LRRTM3: variants seen among roughly 807,000 people sequenced by gnomAD.
The protein encoded by LRRTM3 is leucine rich repeat transmembrane neuronal 3, also known as leucine-rich repeat transmembrane neuronal protein 3.
LRRTM3 carries 24 observed loss-of-function variants against 44.7 expected under a neutral mutation model. The observed-to-expected ratio is 0.54, with a 90% CI of 0.39 to 0.76. The LOEUF (loss-of-function observed/expected upper bound fraction) is 0.76, where lower values mean the gene tolerates loss of function less well. Ranked by LOEUF, LRRTM3 falls within the 30% of genes least tolerant of loss-of-function variation. LRRTM3 has a pLI of 0.00. For synonymous variants in LRRTM3, 277 were observed against 278.7 expected (o/e 0.99, Z 0.06); for missense variants, 587 against 702.2 (o/e 0.84, Z 1.85).
chr10:67,026,814 CAT>C (rs1039203512), intron 2 of LRRTM3, among the ~76,000 whole-genome samples: 18 of 152,292 alleles, frequency 1.2e-4, no homozygotes, highest in African/African-American at 4.1e-4. Context: ...AAACTCTTCT[CAT>C]GTGTTAATTA....
At chr10:66,963,384 A>T (rs966431142) in intron 2 of LRRTM3, among the ~76,000 whole-genome samples, 45 of 152,328 alleles carry the variant, frequency 3.0e-4, no homozygotes, top group African/African-American at 1.1e-3. Flanking sequence ...TGATTATATG[A>T]TTAATGCATC....
At chr10:66,967,799 CA>C (rs938687323) in intron 2 of LRRTM3, among the ~76,000 whole-genome samples, 1 of 151,840 alleles carries the variant, frequency 6.6e-6, no homozygotes, top group African/African-American at 2.4e-5. Context: ...TATATTTCAC[CA>C]AATCCTGTTA....
At chr10:66,980,082 T>A (rs1306704161) in intron 2 of LRRTM3, among the ~76,000 whole-genome samples, 1 of 152,178 alleles carries the variant, frequency 6.6e-6, no homozygotes, top group Non-Finnish European at 1.5e-5. Flanking sequence ...TAATAACTTG[T>A]AAAGCACCAA....
intron 2 of LRRTM3, among the ~76,000 whole-genome samples, chr10:67,019,123 T>C (rs1852833697): frequency 6.6e-6 from 1 of 152,248 alleles, no homozygotes; most frequent in Admixed American, 6.5e-5. Context: ...GGTAGGATGA[T>C]AAGGTTTTTA....
intron 2 of LRRTM3, among the ~76,000 whole-genome samples, chr10:66,979,914 CTGCTT>C (rs1402632592): frequency 6.6e-6 from 1 of 152,126 alleles, no homozygotes. Flanking sequence ...TTGTTGTGTT[CTGCTT>C]TGCTTTACTT....
chr10:67,028,800 A>C (rs1853546317), intron 2 of LRRTM3, among the ~76,000 whole-genome samples: 1 of 152,210 alleles, frequency 6.6e-6, no homozygotes, highest in Admixed American at 6.5e-5. Flanking sequence ...TTTCCTCCCA[A>C]GCATTCTACA....
At chr10:66,994,116 T>C (rs1178138743) in intron 2 of LRRTM3, among the ~76,000 whole-genome samples, 1 of 152,152 alleles carries the variant, frequency 6.6e-6, no homozygotes, top group Non-Finnish European at 1.5e-5. Context: ...ATAAGTAGCA[T>C]TCATGTAGTA....
Position 66,927,442 on chromosome 10 carries a change from A to G in LRRTM3, c.526A>G (p.Ile176Val), listed in dbSNP as rs1270728140. ...SNSLRTIPVR[I>V]FQDCRNLELL... ...CTCCCTGAGAACCATCCCTGTGCGA[A>G]TATTCCAAGACTGCCGCAACCTGGA... The change falls in exon 2 of 3, where the codon ATA becomes GTA. Residue 176 changes from isoleucine (I) to valine (V), a missense_variant. Around this residue, in one of 3 missense-constraint regions of LRRTM3, gnomAD observed 222 missense variants for 323.3 expected, o/e 0.69. Coordinates refer to ENST00000361320, the MANE Select transcript of LRRTM3 (RefSeq NM_178011.5). This position sits in a 1 kb window ranked among gnomAD's most constrained non-coding sequence, Gnocchi z 4.7. 6.2e-7 allele frequency: 1 copy of G among 1,614,154 alleles called. No individual in the cohort carries two copies. The highest frequency in any genetic ancestry group is 1.7e-5 in the Admixed American group (1 of 60,030).
At chr10:67,031,008 A>AAAAT (rs1188848880) in intron 2 of LRRTM3, among the ~76,000 whole-genome samples, 3 of 152,128 alleles carry the variant, frequency 2.0e-5, no homozygotes, top group East Asian at 1.9e-4. Context: ...CCGTCTCAAA[A>AAAAT]AAATAAATAA....
In LRRTM3 at chr10:66,927,236, G is replaced by A; in HGVS notation, c.320G>A (p.Gly107Glu). Residue 107 changes from glycine (G) to glutamate (E), a missense_variant, in exon 2 of 3, where the codon GGA becomes GAA. Gly to Glu is a moderately conservative substitution (Grantham distance 98). This residue lies in a region of LRRTM3 where 222 missense variants were observed against 323.3 expected (regional missense o/e 0.69). Transcript: ENST00000361320. The surrounding 1 kb of genome is among the most constrained non-coding windows in gnomAD (Gnocchi z 4.7). ...ISNIDENAFN[G>E]IRRLKELILS... ...AATATTGACGAAAATGCTTTTAATG[G>A]AATACGCAGACTCAAAGAGCTGATT... The A allele has an allele frequency of 6.2e-7, 1 of 1,614,032 alleles. No individual in the cohort carries two copies. Among genetic ancestry groups the A allele is most frequent in the Non-Finnish European group, 8.5e-7 (1 of 1,180,038 alleles).
chr10:67,047,032 G>T (rs911920454), intron 2 of LRRTM3, among the ~76,000 whole-genome samples: 2 of 152,130 alleles, frequency 1.3e-5, no homozygotes, highest in South Asian at 4.1e-4. Flanking sequence ...TATATTCAGG[G>T]TCCAGGAGCA....
chr10:67,031,027 A>G (rs556428811), intron 2 of LRRTM3, among the ~76,000 whole-genome samples: 1 of 152,232 alleles, frequency 6.6e-6, no homozygotes, highest in Non-Finnish European at 1.5e-5. Flanking sequence ...AAATAAATAA[A>G]TAACTTAGCT....
Position 67,063,691 on chromosome 10 carries a change from C to G in LRRTM3, c.1537-33896C>G, listed in dbSNP as rs147941854. Among the ~76,000 whole-genome samples the G allele has an allele frequency of 1.1e-4, 16 of 152,310 alleles. No individual in the cohort carries two copies. In the East Asian group the frequency reaches 3.1e-3, roughly 29 times the overall value. ...CTTAGACACCTAATACGTATGAAGT[C>G]ACACAGATAATTGGCATGAGCCAAA... On this transcript the variant is annotated intron_variant, in intron 2 of 2. Coordinates refer to ENST00000361320, the MANE Select transcript of LRRTM3 (RefSeq NM_178011.5).
rs1299158458 is a variant in LRRTM3, at chr10:67,100,170, T to C, written c.*2374T>C. ...GGTTCCAAGGAGTCTTACAAGTGTA[T>C]GCCCTTGATTTCCTGAAGGAAACCA... On this transcript the variant is annotated 3_prime_UTR_variant, in exon 3 of 3. Coordinates refer to ENST00000361320, the MANE Select transcript of LRRTM3 (RefSeq NM_178011.5). Among the ~76,000 whole-genome samples the C allele has an allele frequency of 6.6e-6, 1 of 151,744 alleles. No homozygotes were observed. The highest frequency in any genetic ancestry group is 1.5e-5 in the Non-Finnish European group (1 of 67,786).
At chr10:67,025,160 GGAAGGAAGGAAGGAAA>G (rs1304421701) in intron 2 of LRRTM3, among the ~76,000 whole-genome samples, 1 of 147,638 alleles carries the variant, frequency 6.8e-6, no homozygotes, top group East Asian at 2.0e-4. Flanking sequence ...AAGAAAGGAA[GGAAGGAAGGAAGGAAA>G]GAAAGAAAAG....
At chr10:66,942,569 TC>T (rs1848055579) in intron 2 of LRRTM3, among the ~76,000 whole-genome samples, 1 of 151,828 alleles carries the variant, frequency 6.6e-6, no homozygotes, top group Non-Finnish European at 1.5e-5. Context: ...TCTCTCTCTC[TC>T]TCTCTCTGTG....
chr10:67,003,882 A>G (rs1465560237), intron 2 of LRRTM3, among the ~76,000 whole-genome samples: 1 of 152,186 alleles, frequency 6.6e-6, no homozygotes, highest in African/African-American at 2.4e-5. Context: ...AGTGCAGCAT[A>G]AAACGGAAGA....
chr10:67,009,651 C>A (rs868166719), intron 2 of LRRTM3, among the ~76,000 whole-genome samples: 1 of 151,890 alleles, frequency 6.6e-6, no homozygotes, highest in African/African-American at 2.4e-5. Flanking sequence ...TTATACAGCT[C>A]TTTGTTGTGT....
intron 2 of LRRTM3, among the ~76,000 whole-genome samples, chr10:66,941,943 T>C (rs1848017635): frequency 6.6e-6 from 1 of 152,162 alleles, no homozygotes; most frequent in South Asian, 2.1e-4. Flanking sequence ...GTGGAAGACT[T>C]ACTTTGATTT....
Sources: allele counts gnomAD v4.1 joint callset (sites outside exome capture counted in the v4.1 genomes callset), GRCh38; gene constraint gnomAD v4.1.1; regional missense constraint gnomAD v4.1.1; non-coding constraint Gnocchi (gnomAD v3.1); transcripts MANE v1.5; gene names NCBI Gene and HGNC (gene_info 2026-07-23, HGNC 2026-07-21).